The following TICAM2 variants were observed in gnomAD, a reference collection of about 807,000 sequenced individuals.
The protein encoded by TICAM2 is TIR domain containing adaptor molecule 2, also known as TIR domain-containing adapter molecule 2.
Under a neutral mutation model 7.3 loss-of-function variants are expected in TICAM2, and 8 were observed. That is an observed-to-expected ratio of 1.10 (90% CI 0.65 to 1.99). The LOEUF is 1.99. Ranked by LOEUF, TICAM2 falls within the 30% of genes most tolerant of loss-of-function variation. The probability of loss-of-function intolerance (pLI) is 0.00; values close to 1 mark genes in which losing one functional copy is unlikely to be tolerated. For missense variants in TICAM2, 304 were observed against 278.8 expected (o/e 1.09, Z -0.65); for synonymous variants, 113 against 99.6 (o/e 1.13, Z -0.80).
At chr5:115,584,039 AGGT>A (rs1449486513) in intron 1 of TICAM2, among the ~76,000 whole-genome samples, 1 of 152,218 alleles carries the variant, frequency 6.6e-6, no homozygotes, top group Non-Finnish European at 1.5e-5. Flanking sequence ...TTTTAAAAAA[AGGT>A]GGTGGTGTGT....
intron 1 of TICAM2, among the ~76,000 whole-genome samples, chr5:115,582,678 T>C (rs1754971294): frequency 6.6e-6 from 1 of 152,116 alleles, no homozygotes; most frequent in South Asian, 2.1e-4. Flanking sequence ...TAAATACAGG[T>C]TTCATACTTT....
At chr5:115,587,288 T>G (rs1419117623) in intron 1 of TICAM2, among the ~76,000 whole-genome samples, 1 of 152,196 alleles carries the variant, frequency 6.6e-6, no homozygotes, top group Non-Finnish European at 1.5e-5. Context: ...AAAATAGTCC[T>G]AAAATTGTTG....
chr5:115,581,363 A>T (rs969900211), intron 1 of TICAM2, 48 bp from the exon 2 acceptor site: 1 of 1,515,336 alleles, frequency 6.6e-7, no homozygotes, highest in East Asian at 2.4e-5. Flanking sequence ...TAATCAAAAC[A>T]TTAAAAATGG....
intron 1 of TICAM2, among the ~76,000 whole-genome samples, chr5:115,591,145 G>A (rs1755286504): frequency 6.6e-6 from 1 of 152,178 alleles, no homozygotes; most frequent in African/African-American, 2.4e-5. Context: ...CCAGAAGACA[G>A]AAACCCAGAG....
At chr5:115,588,926 C>A (rs1755207983) in intron 1 of TICAM2, among the ~76,000 whole-genome samples, 2 of 152,024 alleles carry the variant, frequency 1.3e-5, no homozygotes, top group Admixed American at 1.3e-4. Flanking sequence ...TTCTAGAAAC[C>A]CAACCTAGAG....
intron 1 of TICAM2, 115 bp from the exon 2 acceptor site, chr5:115,581,430 A>C (rs2127190902): frequency 8.3e-7 from 1 of 1,198,534 alleles, no homozygotes; most frequent in African/African-American, 1.5e-5. Flanking sequence ...ATCCAAATAC[A>C]TAAACGACAA....
intron 1 of TICAM2, among the ~76,000 whole-genome samples, chr5:115,594,062 A>G (rs1327261853): frequency 6.6e-6 from 1 of 152,218 alleles, no homozygotes; most frequent in African/African-American, 2.4e-5. Context: ...AAATATGAGT[A>G]TCATGCTTGG....
At chr5:115,600,920 G>A (rs1268481755) in intron 1 of TICAM2, among the ~76,000 whole-genome samples, 3 of 152,200 alleles carry the variant, frequency 2.0e-5, no homozygotes, top group African/African-American at 7.2e-5. Flanking sequence ...TTTGTTAAAT[G>A]AATACATTTT....
intron 1 of TICAM2, among the ~76,000 whole-genome samples, chr5:115,600,828 A>G (rs920230496): frequency 6.6e-6 from 1 of 152,208 alleles, no homozygotes; most frequent in African/African-American, 2.4e-5. Flanking sequence ...TTGTTATAAA[A>G]AGAAGCAAAG....
In TICAM2 at chr5:115,580,015, T is replaced by G. The variant is rs1316831419; in HGVS notation, c.*534A>C. 1 of 152,266 alleles carries G rather than the reference T, an allele frequency of 6.6e-6. No homozygotes were observed. The highest frequency in any genetic ancestry group is 2.4e-5 in the African/African-American group (1 of 41,458). The allele number at this position is 152,266 out of a possible 1,614,324, so 9.4% of individuals were successfully genotyped here. ...GTTCTTTTAAAAAGTTCCACCATTC[T>G]CACATCTATTTCTGATTTTATATGC... On this transcript the variant is annotated 3_prime_UTR_variant, in exon 2 of 2. Coordinates refer to ENST00000427199, the MANE Select transcript of TICAM2 (RefSeq NM_021649.7).
chr5:115,598,303 A>G (rs2112523251), intron 1 of TICAM2, among the ~76,000 whole-genome samples: 1 of 152,244 alleles, frequency 6.6e-6, no homozygotes, highest in South Asian at 2.1e-4. Flanking sequence ...GCCTATCTCC[A>G]GGTTTAGCTC....
chr5:115,582,072 T>A (rs563542882), intron 1 of TICAM2: 4 of 152,346 alleles, frequency 2.6e-5, no homozygotes, highest in Middle Eastern at 3.4e-3. Flanking sequence ...AAACAAAGAC[T>A]TGAGACTTTC....
intron 1 of TICAM2, among the ~76,000 whole-genome samples, chr5:115,588,801 T>C (rs891991303): frequency 6.6e-6 from 1 of 152,222 alleles, no homozygotes; most frequent in Admixed American, 6.5e-5. Context: ...GCTAAGATTC[T>C]GGTAGAGTGG....
intron 1 of TICAM2, among the ~76,000 whole-genome samples, chr5:115,583,964 G>A (rs1755017757): frequency 6.6e-6 from 1 of 152,166 alleles, no homozygotes; most frequent in South Asian, 2.1e-4. Flanking sequence ...CCACTTGGGA[G>A]ACGCATGTGA....
rs1292068647 is a variant in TICAM2 at position 115,581,178 on chromosome 5, G to A, written c.79C>T (p.Pro27Ser). ...WGKRHSVDTS[P>S]GYHESDSKKS... ...TTGGAATCTGACTCATGATATCCTG[G>A]ACTTGTATCCACACTGTGCCTTTTA... The change falls in exon 2 of 2, where the codon CCA becomes TCA. Residue 27 changes from proline (P) to serine (S), a missense_variant. Transcript: ENST00000427199. The A allele has an allele frequency of 1.9e-6, 3 of 1,613,562 alleles. No individual in the cohort carries two copies. Among genetic ancestry groups the A allele is most frequent in the African/African-American group, 2.7e-5 (2 of 74,884 alleles).
chr5:115,597,557 G>A lies in TICAM2; in HGVS notation c.-60+4540C>T, dbSNP rs73254581. Among the ~76,000 whole-genome samples the A allele has an allele frequency of 6.9e-3, 1,055 of 152,188 alleles. 14 individuals are homozygous for A. Among genetic ancestry groups the A allele is most frequent in the African/African-American group, 0.024 (996 of 41,526 alleles). ...ATGAGAAAAACGCTTCTCATGACACGAAAATGAAATGTAATTAAAGAAAAG... is the reference window on the plus strand; with the variant it reads ...ATGAGAAAAACGCTTCTCATGACACAAAAATGAAATGTAATTAAAGAAAAG... On this transcript the variant is annotated intron_variant, in intron 1 of 1. Transcript: ENST00000427199.
intron 1 of TICAM2, among the ~76,000 whole-genome samples, chr5:115,594,151 T>C (rs1755417905): frequency 6.6e-6 from 1 of 152,230 alleles, no homozygotes; most frequent in South Asian, 2.1e-4. Context: ...TTCCTCTGAC[T>C]AAAATGACCT....
intron 1 of TICAM2, among the ~76,000 whole-genome samples, chr5:115,595,586 C>T (rs941436240): frequency 6.6e-6 from 1 of 152,164 alleles, no homozygotes; most frequent in African/African-American, 2.4e-5. Flanking sequence ...GAAAACTGAT[C>T]CTGTTTTTCT....
chr5:115,583,679 G>C (rs1331699454), intron 1 of TICAM2, among the ~76,000 whole-genome samples: 1 of 152,202 alleles, frequency 6.6e-6, no homozygotes, highest in African/African-American at 2.4e-5. Context: ...GAGATGGTCA[G>C]GATTCCTTAG....
Sources: gnomAD v4.1 joint callset for allele counts (sites outside exome capture counted in the v4.1 genomes callset) on GRCh38, gnomAD v4.1.1 for gene constraint, MANE v1.5 for transcripts, NCBI Gene and HGNC (gene_info 2026-07-23, HGNC 2026-07-21) for gene names.